Variants in ZNF385B observed in about 807,000 individuals in gnomAD.
ZNF385B encodes the protein zinc finger protein 385B, also known as zinc finger protein 533.
In ZNF385B, 23 loss-of-function variants were observed where a neutral mutation model predicts 39.2. The observed-to-expected ratio is 0.59, with a 90% confidence interval of 0.42 to 0.83. ZNF385B has a LOEUF of 0.83. Among genes scored for constraint, ZNF385B ranks in the 40% least tolerant of loss-of-function variants. The probability of loss-of-function intolerance (pLI) is 0.00; values close to 1 mark genes in which losing one functional copy is unlikely to be tolerated. For synonymous variants in ZNF385B, 205 were observed against 222.6 expected (o/e 0.92, Z 0.70); for missense variants, 552 against 598.9 (o/e 0.92, Z 0.82).
rs548734754 is a variant in ZNF385B, at chr2:179,479,018, A to G, written c.715+4254T>C. 1.4e-4 allele frequency among the ~76,000 whole-genome samples: 22 copies of G among 152,190 alleles called. 1 individual carries two copies. The highest frequency in any genetic ancestry group is 3.6e-4 in the African/African-American group (15 of 41,534). ...TAATGCTTGCTGTGTTTTGACCCCA[A>G]TTCTCCCAAAGCATATTTTTCCTCC... is the stretch of plus-strand genomic sequence containing the variant. On this transcript the variant is annotated intron_variant, in intron 6 of 9. Transcript: ENST00000410066.
chr2:179,475,164 A>C (rs2053264280), intron 6 of ZNF385B, among the ~76,000 whole-genome samples: 1 of 152,214 alleles, frequency 6.6e-6, no homozygotes, highest in South Asian at 2.1e-4. Context: ...GCACATTTCA[A>C]GTGCTAAAAA....
At chr2:179,670,476 C>T (rs955118770) in intron 3 of ZNF385B, among the ~76,000 whole-genome samples, 34 of 85,214 alleles carry the variant, frequency 4.0e-4, no homozygotes, top group South Asian at 5.6e-4. Context: ...AGCAGTAGAA[C>T]GTAAAAACAA....
chr2:179,650,309 GA>G (rs1693088358), intron 3 of ZNF385B, among the ~76,000 whole-genome samples: 1 of 152,156 alleles, frequency 6.6e-6, no homozygotes, highest in Non-Finnish European at 1.5e-5. Flanking sequence ...TGAAGTAGGA[GA>G]AAAGGAAATA....
At chr2:179,526,036 A>ATT (rs3054031) in intron 4 of ZNF385B, among the ~76,000 whole-genome samples, 79,228 of 128,958 alleles carry the variant, frequency 0.61, 27,083 homozygotes, top group Non-Finnish European at 0.76. Flanking sequence ...TTAACCACAG[A>ATT]TTTTTTTTTT....
At chr2:179,668,267 G>A (rs909324275) in intron 3 of ZNF385B, among the ~76,000 whole-genome samples, 8 of 152,108 alleles carry the variant, frequency 5.3e-5, no homozygotes, top group Non-Finnish European at 1.0e-4. Context: ...AATATTTGTT[G>A]GTAATACTCA....
chr2:179,697,787 C>A (rs1489138207), intron 3 of ZNF385B, among the ~76,000 whole-genome samples: 3 of 152,054 alleles, frequency 2.0e-5, no homozygotes, highest in African/African-American at 7.2e-5. Flanking sequence ...GGAATGAAAT[C>A]ATTAAAAAGA....
chr2:179,637,723 G>T (rs1691889412), intron 3 of ZNF385B, among the ~76,000 whole-genome samples: 1 of 152,128 alleles, frequency 6.6e-6, no homozygotes, highest in African/African-American at 2.4e-5. Context: ...ATGTGGGGTG[G>T]GGTGGGGTGG....
chr2:179,805,031 T>C (rs764687892), intron 1 of ZNF385B, among the ~76,000 whole-genome samples: 3 of 152,202 alleles, frequency 2.0e-5, no homozygotes, highest in Non-Finnish European at 4.4e-5. Context: ...TTCCCTCATG[T>C]TGAATCTGGC....
intron 3 of ZNF385B, among the ~76,000 whole-genome samples, chr2:179,681,013 T>C (rs1697462490): frequency 6.6e-6 from 1 of 152,042 alleles, no homozygotes; most frequent in Non-Finnish European, 1.5e-5. Context: ...CTGGATCCTT[T>C]CTATTATACA....
intron 3 of ZNF385B, among the ~76,000 whole-genome samples, chr2:179,626,195 A>G (rs1690649805): frequency 6.6e-6 from 1 of 152,066 alleles, no homozygotes; most frequent in South Asian, 2.1e-4. Flanking sequence ...AATATTTTCT[A>G]TTTTGTTCCA....
intron 1 of ZNF385B, among the ~76,000 whole-genome samples, chr2:179,840,054 C>T (rs1016334177): frequency 1.3e-5 from 2 of 152,154 alleles, no homozygotes; most frequent in Non-Finnish European, 2.9e-5. Flanking sequence ...GGGTGAGGGT[C>T]GATCTGGAAG....
chr2:179,579,474 G>A (rs1259907521), intron 3 of ZNF385B, among the ~76,000 whole-genome samples: 1 of 152,030 alleles, frequency 6.6e-6, no homozygotes, highest in Non-Finnish European at 1.5e-5. Flanking sequence ...ACTGACAGCT[G>A]TTTAAAATAT....
chr2:179,796,815 C>T (rs1232686288), intron 1 of ZNF385B, among the ~76,000 whole-genome samples: 3 of 152,082 alleles, frequency 2.0e-5, no homozygotes, highest in Non-Finnish European at 4.4e-5. Flanking sequence ...CTTGAGCACC[C>T]CAGCACCGAA....
intron 1 of ZNF385B, among the ~76,000 whole-genome samples, chr2:179,808,243 A>C (rs561901572): frequency 6.6e-6 from 1 of 152,268 alleles, no homozygotes; most frequent in Admixed American, 6.5e-5. Flanking sequence ...CGTGTTAGCC[A>C]GGATGGTCTC....
At chr2:179,491,711 A>C (rs1429361775) in intron 5 of ZNF385B, among the ~76,000 whole-genome samples, 1 of 152,082 alleles carries the variant, frequency 6.6e-6, no homozygotes, top group African/African-American at 2.4e-5. Context: ...TTATTTATTT[A>C]TTTTAGAGAC....
At position 179,443,362 on chromosome 2, in the gene ZNF385B, G is replaced by T. The variant is rs776978294; in HGVS notation, c.1349C>A (p.Pro450His). 1.2e-6 allele frequency: 2 copies of T among 1,612,542 alleles called. No individual in the cohort carries two copies. Among genetic ancestry groups the T allele is most frequent in the Admixed American group, 3.3e-5 (2 of 59,940 alleles). Residue 450 changes from proline to histidine, a missense_variant, in exon 10 of 10, where the codon CCC becomes CAC. Transcript: ENST00000410066. ...AAVSSALSLPPRPSASLFQAP... is the reference protein window; with the variant it reads ...AAVSSALSLPHRPSASLFQAP... ...CTGGAAGAGCGAGGCAGAGGGCCGGGGTGGGAGTGACAGCGCTGAGGACAC... is the reference window on the plus strand; with the variant it reads ...CTGGAAGAGCGAGGCAGAGGGCCGGTGTGGGAGTGACAGCGCTGAGGACAC...
intron 4 of ZNF385B, among the ~76,000 whole-genome samples, chr2:179,531,042 A>C (rs778449250): frequency 6.6e-6 from 1 of 152,172 alleles, no homozygotes; most frequent in Non-Finnish European, 1.5e-5. Context: ...CAGTTTTTAG[A>C]AACTGAGTTC....
At chr2:179,712,984 C>G (rs1700100034) in intron 3 of ZNF385B, among the ~76,000 whole-genome samples, 1 of 152,128 alleles carries the variant, frequency 6.6e-6, no homozygotes, top group African/African-American at 2.4e-5. Flanking sequence ...TGGGCAACAG[C>G]AGTGAGCCAC....
intron 3 of ZNF385B, among the ~76,000 whole-genome samples, chr2:179,617,972 G>A (rs991854734): frequency 6.6e-6 from 1 of 152,080 alleles, no homozygotes; most frequent in African/African-American, 2.4e-5. Flanking sequence ...CGTTTCTCCC[G>A]TGCTCACTCT....
Sources: allele counts gnomAD v4.1 joint callset (sites outside exome capture counted in the v4.1 genomes callset), GRCh38; gene constraint gnomAD v4.1.1; transcripts MANE v1.5; gene names NCBI Gene and HGNC (gene_info 2026-07-23, HGNC 2026-07-21).